Variants in MECR observed in about 807,000 individuals in gnomAD.
MECR encodes the protein mitochondrial trans-2-enoyl-CoA reductase.
MECR carries 37 observed loss-of-function variants against 49.1 expected under a neutral mutation model. The observed-to-expected ratio is 0.75, with a 90% confidence interval of 0.58 to 0.99. The LOEUF is 0.99. Ranked by LOEUF, MECR falls within the 50% of genes least tolerant of loss-of-function variation. The pLI is 0.00. For synonymous variants in MECR, 198 were observed against 191.1 expected (o/e 1.04, Z -0.30); for missense variants, 470 against 479.6 (o/e 0.98, Z 0.19).
In MECR at chr1:29,230,764, T is replaced by A. The variant is rs768742328; in HGVS notation, c.143A>T (p.Tyr48Phe). The A allele has an allele frequency of 6.3e-7, 1 of 1,595,860 alleles. No individual in the cohort carries two copies. The highest frequency in any genetic ancestry group is 8.5e-7 in the Non-Finnish European group (1 of 1,171,800). Residue 48 changes from tyrosine (Y) to phenylalanine (F), a missense_variant, in exon 1 of 10, where the codon TAT (tyrosine) becomes TTT (phenylalanine). Coordinates refer to ENST00000263702, the MANE Select transcript of MECR (RefSeq NM_016011.5). ...CTTGGCTGGATCCCCGTGGTGCCCA[T>A]AGACAAGCGCCCGGACCCGGGCAGG... ...AEPARVRALV[Y>F]GHHGDPAKVV... is the part of the protein sequence containing the mutation.
chr1:29,228,231 A>AT, intron 1 of MECR, among the ~76,000 whole-genome samples: 1 of 151,604 alleles, frequency 6.6e-6, no homozygotes, highest in Non-Finnish European at 1.5e-5. Context: ...ATAAATAAAT[A>AT]AATATATATA....
chr1:29,227,367 C>T (rs1682363344), intron 1 of MECR, among the ~76,000 whole-genome samples: 1 of 152,192 alleles, frequency 6.6e-6, no homozygotes, highest in African/African-American at 2.4e-5. Flanking sequence ...TTCTTCTGCA[C>T]AGTCTTACTT....
the MECR span, among the ~76,000 whole-genome samples, chr1:29,167,796 G>A: frequency 6.6e-6 from 1 of 152,204 alleles, no homozygotes; most frequent in Non-Finnish European, 1.5e-5. Flanking sequence ...ATTTAGCACA[G>A]TGCCTGGCAC....
intron 1 of MECR, chr1:29,224,774 A>G (rs957661632): frequency 6.6e-6 from 1 of 152,236 alleles, no homozygotes; most frequent in African/African-American, 2.4e-5. Flanking sequence ...TGCCATAATT[A>G]GTGGCAGAGG....
chr1:29,230,264 T>C (rs1027919325), intron 1 of MECR: 1 of 169,370 alleles, frequency 5.9e-6, no homozygotes, highest in Admixed American at 6.4e-5. Context: ...TGTAAAAGTA[T>C]TCTGAAAACT....
chr1:29,214,061 C>CTTT (rs1200557418), intron 3 of MECR, among the ~76,000 whole-genome samples: 5 of 138,554 alleles, frequency 3.6e-5, no homozygotes, highest in Non-Finnish European at 6.2e-5. Flanking sequence ...AATCAACTTT[C>CTTT]TTTTTTTTTT....
At chr1:29,172,265 A>C in the MECR span, 4 of 152,154 alleles carry the variant, frequency 2.6e-5, no homozygotes, top group South Asian at 6.2e-4. Context: ...CTTCCTGATT[A>C]TTTTTCACTT....
rs771582963 is a variant in MECR, at chr1:29,194,036, T to C, written c.1108A>G (p.Ile370Val). ...TTTTGGGATGATCACATGGTGAGAATCTGCTTTGAAGATATGAAGGGCTTC... is the reference window on the plus strand; with the variant it reads ...TTTTGGGATGATCACATGGTGAGAACCTGCTTTGAAGATATGAAGGGCTTC... Reference protein sequence around the residue: ...SMKPFISSKQILTM With the variant: ...SMKPFISSKQVLTM The change falls in exon 10 of 10, where the codon ATT (isoleucine) becomes GTT (valine). Residue 370 changes from isoleucine (I) to valine (V), a missense_variant. By Grantham distance (29) the Ile-to-Val change is conservative. Coordinates refer to ENST00000263702, the MANE Select transcript of MECR (RefSeq NM_016011.5). The C allele has an allele frequency of 6.2e-7, 1 of 1,614,118 alleles. No homozygotes were observed. Among genetic ancestry groups the C allele is most frequent in the South Asian group, 1.1e-5 (1 of 91,090 alleles).
intron 1 of MECR, among the ~76,000 whole-genome samples, chr1:29,226,585 T>A (rs1190711275): frequency 6.6e-6 from 1 of 152,170 alleles, no homozygotes; most frequent in African/African-American, 2.4e-5. Flanking sequence ...TTTAAAATAT[T>A]TAAAAAAGTT....
At chr1:29,200,325 T>C in intron 7 of MECR, 191 bp downstream of exon 7, 1 of 478,042 alleles carries the variant, frequency 2.1e-6, no homozygotes, top group Non-Finnish European at 3.7e-6. Context: ...AAAATTTTGG[T>C]CATCTGCAAA....
At chr1:29,170,560 A>G in the MECR span, 4 of 151,938 alleles carry the variant, frequency 2.6e-5, no homozygotes. Context: ...CTGTTTCTTC[A>G]TTTTCATTTT....
At chr1:29,175,522 C>T in the MECR span, among the ~76,000 whole-genome samples, 3 of 148,988 alleles carry the variant, frequency 2.0e-5, no homozygotes, top group Non-Finnish European at 4.5e-5. Flanking sequence ...AGTGAAACCC[C>T]GTCTCTACTA....
At chr1:29,176,702 G>C in the MECR span, among the ~76,000 whole-genome samples, 10 of 151,862 alleles carry the variant, frequency 6.6e-5, no homozygotes, top group African/African-American at 2.2e-4. Context: ...ACACAACAAC[G>C]ACCTGCCTCA....
At chr1:29,181,126 C>CA in the MECR span, among the ~76,000 whole-genome samples, 32 of 152,300 alleles carry the variant, frequency 2.1e-4, 1 homozygote, top group South Asian at 6.2e-3. Context: ...GTCTCCCGCC[C>CA]AAAAAAGCGT....
chr1:29,191,593 A>G (rs1157894656), downstream of MECR, among the ~76,000 whole-genome samples: 1 of 152,156 alleles, frequency 6.6e-6, no homozygotes, highest in African/African-American at 2.4e-5. Context: ...CATCTGTACA[A>G]TCACTTGTCC....
In MECR at chr1:29,216,641, C is replaced by G; in HGVS notation, c.221G>C (p.Arg74Pro). 6.2e-7 allele frequency: 1 copy of G among 1,614,198 alleles called. No individual in the cohort carries two copies. Among genetic ancestry groups the G allele is most frequent in the Non-Finnish European group, 8.5e-7 (1 of 1,180,040 alleles). Residue 74 changes from arginine to proline, a missense_variant, in exon 2 of 10, where the codon CGT becomes CCT. Transcript: ENST00000263702. Reference sequence around the variant, plus strand: ...GATAGGGGCCGCCAGCATCTTCACACGGACATCTGATCCTCTCACAGCAGC... The same window carrying G: ...GATAGGGGCCGCCAGCATCTTCACAGGGACATCTGATCCTCTCACAGCAGC... Reference protein sequence around the residue: ...ELAAVRGSDVRVKMLAAPINP... With the variant: ...ELAAVRGSDVPVKMLAAPINP...
In MECR at chr1:29,205,859, A is replaced by G. The variant is rs532295394; in HGVS notation, c.550+903T>C. Among the ~76,000 whole-genome samples the G allele has an allele frequency of 3.2e-4, 49 of 152,228 alleles. No individual in the cohort carries two copies. The South Asian group carries it at 4.6e-3, about 14-fold the overall frequency. On this transcript the variant is annotated intron_variant, in intron 4 of 9. Transcript: ENST00000263702. ...CGGAGCAGTAGTTGCCCGCAGCAGT[A>G]ACCGGGCTTCATGGGCTTTGCCTCC... is the stretch of plus-strand genomic sequence containing the variant.
chr1:29,222,814 G>A (rs1022536861), intron 1 of MECR, among the ~76,000 whole-genome samples: 1 of 152,146 alleles, frequency 6.6e-6, no homozygotes, highest in East Asian at 1.9e-4. Context: ...CTGCAAGCCT[G>A]GGGGTGGGGG....
At chr1:29,168,177 G>A in the MECR span, among the ~76,000 whole-genome samples, 1 of 147,294 alleles carries the variant, frequency 6.8e-6, no homozygotes, top group Non-Finnish European at 1.5e-5. Context: ...ACCATGCCCG[G>A]CAAATTTTTT....
Sources: allele counts gnomAD v4.1 joint callset (sites outside exome capture counted in the v4.1 genomes callset), GRCh38; gene constraint gnomAD v4.1.1; transcripts MANE v1.5; gene names NCBI Gene and HGNC (gene_info 2026-07-23, HGNC 2026-07-21).